COL10A1: variants seen among roughly 807,000 people sequenced by gnomAD.
COL10A1 encodes collagen alpha-1(X) chain.
In COL10A1, 10 loss-of-function variants were observed where a neutral mutation model predicts 18.2. That is an observed-to-expected ratio of 0.55 (90% CI 0.34 to 0.93). The LOEUF (loss-of-function observed/expected upper bound fraction) is 0.93. Ranked by LOEUF, COL10A1 falls within the 40% of genes least tolerant of loss-of-function variation. The pLI, the probability that COL10A1 is intolerant of heterozygous loss-of-function variation, is 0.02. For synonymous variants in COL10A1, 330 were observed against 316.6 expected (o/e 1.04, Z -0.45); for missense variants, 897 against 853.5 (o/e 1.05, Z -0.64).
the COL10A1 span, among the ~76,000 whole-genome samples, chr6:116,213,584 T>C: frequency 2.0e-5 from 3 of 152,120 alleles, no homozygotes; most frequent in Non-Finnish European, 4.4e-5. Context: ...GTGGGAGATA[T>C]TGTTGTGTCC....
chr6:116,206,773 C>A, the COL10A1 span, among the ~76,000 whole-genome samples: 1 of 151,892 alleles, frequency 6.6e-6, no homozygotes, highest in Non-Finnish European at 1.5e-5. Flanking sequence ...TTTTCTTTGC[C>A]ATAGTTTTTA....
At chr6:116,192,953 C>A in the COL10A1 span, among the ~76,000 whole-genome samples, 8 of 152,012 alleles carry the variant, frequency 5.3e-5, no homozygotes, top group East Asian at 3.9e-4. Context: ...AGTCAAAAGC[C>A]AGGATTGTTG....
At chr6:116,167,605 T>G in the COL10A1 span, among the ~76,000 whole-genome samples, 1 of 152,208 alleles carries the variant, frequency 6.6e-6, no homozygotes, top group African/African-American at 2.4e-5. Context: ...TTTTATAAAT[T>G]GACAGGCATT....
chr6:116,132,882 T>G (rs1779504115), intron 1 of COL10A1, among the ~76,000 whole-genome samples: 1 of 152,124 alleles, frequency 6.6e-6, no homozygotes, highest in East Asian at 1.9e-4. Flanking sequence ...AAAAGAACAT[T>G]CTTAGGTGCC....
chr6:116,145,377 G>T, intron 1 of COL10A1: 1 of 311,658 alleles, frequency 3.2e-6, no homozygotes, highest in Non-Finnish European at 7.3e-6. Flanking sequence ...TTAAATTGAT[G>T]GTAAGAAGAA....
chr6:116,193,312 C>T, the COL10A1 span, among the ~76,000 whole-genome samples: 3 of 152,076 alleles, frequency 2.0e-5, no homozygotes, highest in South Asian at 6.2e-4. Flanking sequence ...ATAACAAAAC[C>T]TATAAATAAA....
chr6:116,159,793 T>C (rs1455681092), upstream of COL10A1, among the ~76,000 whole-genome samples: 1 of 152,200 alleles, frequency 6.6e-6, no homozygotes, highest in Non-Finnish European at 1.5e-5. Flanking sequence ...CCCCACCTTT[T>C]GGAGTCCCCA....
At chr6:116,159,214 T>C (rs1161612999), upstream of COL10A1, among the ~76,000 whole-genome samples, 1 of 152,160 alleles carries the variant, frequency 6.6e-6, no homozygotes, top group African/African-American at 2.4e-5. Context: ...TTTTGGTAGT[T>C]TTATGGATTT....
At chr6:116,151,461 T>G (rs1302462101) in intron 1 of COL10A1, among the ~76,000 whole-genome samples, 1 of 152,230 alleles carries the variant, frequency 6.6e-6, no homozygotes, top group East Asian at 1.9e-4. Flanking sequence ...AGAGTAAAAT[T>G]TTATCTATCC....
At chr6:116,174,272 A>C in the COL10A1 span, among the ~76,000 whole-genome samples, 2 of 152,132 alleles carry the variant, frequency 1.3e-5, no homozygotes, top group Admixed American at 1.3e-4. Flanking sequence ...GCCCACTCTC[A>C]AGAGTGACGG....
At chr6:116,145,485 A>C (rs767813518) in intron 1 of COL10A1, 5 of 374,696 alleles carry the variant, frequency 1.3e-5, no homozygotes, top group African/African-American at 4.1e-5. Flanking sequence ...TACAAGTTTC[A>C]TACTTATTTA....
Position 116,121,537 on chromosome 6 carries a change from ATATCCCATTTCCCCT to A in COL10A1, c.564_578del (p.Lys188_Tyr193delinsAsn). 6.2e-7 allele frequency: 1 copy of A among 1,614,012 alleles called. No individual in the cohort carries two copies. Among genetic ancestry groups the A allele is most frequent in the Non-Finnish European group, 8.5e-7 (1 of 1,179,980 alleles). On this transcript the variant is annotated inframe_deletion, in exon 3 of 3. Transcript: ENST00000651968. ...TCTCACCTGGACGACCAGGAGCACC[ATATCCCATTTCCCCT>A]TTCTGTCCATTCATACCAGGGACTC...
intron 1 of COL10A1, chr6:116,137,711 T>C (rs1032483043): frequency 1.3e-5 from 2 of 154,898 alleles, no homozygotes; most frequent in Non-Finnish European, 2.9e-5. Context: ...ATATCTTTTA[T>C]AAAATGCATG....
chr6:116,208,531 T>C, the COL10A1 span, among the ~76,000 whole-genome samples: 1 of 152,070 alleles, frequency 6.6e-6, no homozygotes, highest in Non-Finnish European at 1.5e-5. Flanking sequence ...TTTGTAAGGC[T>C]GTACTTAGGC....
chr6:116,147,641 T>G (rs1779931905), intron 1 of COL10A1, among the ~76,000 whole-genome samples: 1 of 152,194 alleles, frequency 6.6e-6, no homozygotes, highest in Non-Finnish European at 1.5e-5. Flanking sequence ...TTTAGTTTTA[T>G]TTGTAATGAG....
At chr6:116,154,277 T>A (rs1457839542) in intron 1 of COL10A1, among the ~76,000 whole-genome samples, 1 of 152,194 alleles carries the variant, frequency 6.6e-6, no homozygotes, top group Non-Finnish European at 1.5e-5. Context: ...AACATCAACA[T>A]AGCTGGAGTA....
chr6:116,148,043 C>G (rs1779943786), intron 1 of COL10A1, among the ~76,000 whole-genome samples: 1 of 150,730 alleles, frequency 6.6e-6, no homozygotes, highest in South Asian at 2.1e-4. Flanking sequence ...GAAAAGACAT[C>G]CAGAATATAT....
chr6:116,125,211 A>G, intron 2 of COL10A1, 128 bp downstream of exon 2: 1 of 974,020 alleles, frequency 1.0e-6, no homozygotes, highest in Non-Finnish European at 1.5e-6. Context: ...CTTTGTTGTA[A>G]TAATTTGGGC....
chr6:116,216,799 A>G, the COL10A1 span, among the ~76,000 whole-genome samples: 1 of 152,176 alleles, frequency 6.6e-6, no homozygotes, highest in Non-Finnish European at 1.5e-5. Context: ...GTCTCTTAGC[A>G]AAGAAGTTTC....
Sources: allele counts gnomAD v4.1 joint callset (sites outside exome capture counted in the v4.1 genomes callset), GRCh38; gene constraint gnomAD v4.1.1; transcripts MANE v1.5; gene names NCBI Gene and HGNC (gene_info 2026-07-23, HGNC 2026-07-21).